Variants in CTNND2 observed in about 807,000 individuals in gnomAD.
CTNND2 encodes the protein catenin delta-2.
Under a neutral mutation model 144.4 loss-of-function variants are expected in CTNND2, and 22 were observed. The observed-to-expected ratio is 0.15, with a 90% CI of 0.11 to 0.22. CTNND2 has a LOEUF of 0.22. Among genes scored for constraint, CTNND2 ranks in the 10% least tolerant of loss-of-function variants. CTNND2 has a pLI of 1.00. For missense variants in CTNND2, 1,353 were observed against 1,618.8 expected (o/e 0.84, Z 2.82); for synonymous variants, 751 against 695.6 (o/e 1.08, Z -1.25).
In CTNND2 at chr5:11,604,050, T is replaced by G. The variant is rs572694893; in HGVS notation, c.175-38994A>C. Among the ~76,000 whole-genome samples, 4 of 152,348 alleles carry G rather than the reference T, an allele frequency of 2.6e-5. No homozygotes were observed. In the South Asian group the frequency reaches 6.2e-4, roughly 24 times the overall value. ...TATAATATTAAGGCATAACTGAAAC[T>G]TCAATATTATTGGCTACTTCAGTGT... On this transcript the variant is annotated intron_variant, in intron 2 of 21. Transcript: ENST00000304623.
Position 11,385,049 on chromosome 5 carries a change from C to T in CTNND2, c.793G>A (p.Gly265Arg). Residue 265 changes from glycine to arginine, a missense_variant, in exon 7 of 22, where the codon GGG becomes AGG. Around this residue, in one of 4 missense-constraint regions of CTNND2, gnomAD observed 708 missense variants for 706.4 expected, o/e 1.00. Transcript: ENST00000304623. ...TGGGGCGCGGCCAGCGGGGAGCCCC[C>T]GCGCGGCGGCGCGGGCAGCGTGGAG... ...SSSTLPAPPR[G>R]GSPLAAPQGG... The T allele has an allele frequency of 1.8e-6, 2 of 1,114,630 alleles. No individual in the cohort carries two copies. Among genetic ancestry groups the T allele is most frequent in the East Asian group, 5.6e-5 (1 of 17,814 alleles). 69.0% of individuals were successfully genotyped at this position (1,114,630 alleles called of 1,614,324 possible). A position where few individuals can be genotyped will look rare whatever the true frequency, so the allele number is the denominator to read the frequency against.
chr5:11,610,553 AACCC>A (rs1780266247), intron 2 of CTNND2, among the ~76,000 whole-genome samples: 1 of 152,198 alleles, frequency 6.6e-6, no homozygotes, highest in Non-Finnish European at 1.5e-5. Context: ...CAGCCCAGGG[AACCC>A]ACCGTCCAAT....
Position 11,310,892 on chromosome 5 carries a change from C to T in CTNND2, c.1628+35480G>A, listed in dbSNP as rs140693637. On this transcript the variant is annotated intron_variant, in intron 9 of 21. Coordinates refer to ENST00000304623, the MANE Select transcript of CTNND2 (RefSeq NM_001332.4). ...ACTCTCCATGCACCCTCACCTCACA[C>T]GCAATACACTCACACACACTCCCCA... Among the ~76,000 whole-genome samples the T allele has an allele frequency of 1.4e-3, 193 of 139,286 alleles. 1 individual carries two copies. Among genetic ancestry groups the T allele is most frequent in the African/African-American group, 4.0e-3 (149 of 37,634 alleles). The allele number at this position is 139,286 out of a possible 152,430, so 91.4% of individuals were successfully genotyped here.
chr5:11,725,803 A>T (rs1786985511), intron 2 of CTNND2, among the ~76,000 whole-genome samples: 1 of 152,326 alleles, frequency 6.6e-6, no homozygotes, highest in African/African-American at 2.4e-5. Context: ...TGTTCTTTTT[A>T]AAAAACGTTT....
intron 9 of CTNND2, among the ~76,000 whole-genome samples, chr5:11,292,761 A>C (rs915775606): frequency 3.9e-5 from 6 of 152,136 alleles, no homozygotes; most frequent in Non-Finnish European, 7.3e-5. Flanking sequence ...GAACAGACTA[A>C]TACACACATA....
intron 1 of CTNND2, among the ~76,000 whole-genome samples, chr5:11,869,400 G>A (rs893205555): frequency 6.6e-6 from 1 of 152,152 alleles, no homozygotes; most frequent in Non-Finnish European, 1.5e-5. Flanking sequence ...ACATAAGAAG[G>A]TGCCAACTTC....
intron 1 of CTNND2, among the ~76,000 whole-genome samples, chr5:11,838,248 T>C (rs1450969757): frequency 1.3e-5 from 2 of 152,210 alleles, no homozygotes; most frequent in Admixed American, 6.5e-5. Flanking sequence ...ACTTCAGAAT[T>C]CCTGAGATGA....
At chr5:11,807,042 T>C (rs1178935502) in intron 1 of CTNND2, among the ~76,000 whole-genome samples, 4 of 152,158 alleles carry the variant, frequency 2.6e-5, no homozygotes, top group Non-Finnish European at 2.9e-5. Flanking sequence ...ACATTCTGCG[T>C]CCATTTGCTA....
chr5:11,051,901 T>G (rs1422126842), intron 16 of CTNND2, among the ~76,000 whole-genome samples: 1 of 152,230 alleles, frequency 6.6e-6, no homozygotes, highest in Non-Finnish European at 1.5e-5. Context: ...TGTTTATTGC[T>G]TCTTCACTAC....
chr5:11,870,015 G>C (rs1214216815), intron 1 of CTNND2, among the ~76,000 whole-genome samples: 2 of 152,086 alleles, frequency 1.3e-5, no homozygotes, highest in Non-Finnish European at 2.9e-5. Context: ...AAACCACCCG[G>C]CAAATACTTA....
At chr5:11,649,298 A>T (rs1262634192) in intron 2 of CTNND2, among the ~76,000 whole-genome samples, 1 of 152,138 alleles carries the variant, frequency 6.6e-6, no homozygotes, top group African/African-American at 2.4e-5. Flanking sequence ...TTCATTAAAG[A>T]AACAAACTTA....
At chr5:11,176,361 A>G (rs1050879459) in intron 11 of CTNND2, among the ~76,000 whole-genome samples, 1 of 151,606 alleles carries the variant, frequency 6.6e-6, no homozygotes, top group Non-Finnish European at 1.5e-5. Context: ...CGATTTATAA[A>G]CACAAGGTGT....
At chr5:11,527,148 A>T (rs1279683083) in intron 3 of CTNND2, among the ~76,000 whole-genome samples, 1 of 152,180 alleles carries the variant, frequency 6.6e-6, no homozygotes, top group African/African-American at 2.4e-5. Context: ...GGATAGAGTG[A>T]TGGTTGCACA....
At chr5:11,467,857 T>A in intron 3 of CTNND2, among the ~76,000 whole-genome samples, 1 of 152,214 alleles carries the variant, frequency 6.6e-6, no homozygotes, top group Non-Finnish European at 1.5e-5. Flanking sequence ...CACTAACACA[T>A]ACATAGTACT....
intron 11 of CTNND2, among the ~76,000 whole-genome samples, chr5:11,163,829 T>C (rs1030856959): frequency 2.6e-5 from 4 of 152,248 alleles, no homozygotes; most frequent in African/African-American, 9.6e-5. Flanking sequence ...TGTATCATTC[T>C]TCACGTTTGC....
intron 2 of CTNND2, among the ~76,000 whole-genome samples, chr5:11,718,942 A>T (rs1786509009): frequency 6.6e-6 from 1 of 152,198 alleles, no homozygotes; most frequent in Non-Finnish European, 1.5e-5. Flanking sequence ...TAATTGTCTA[A>T]GAGAGATGGC....
chr5:11,712,294 T>C (rs1193169417), intron 2 of CTNND2, among the ~76,000 whole-genome samples: 3 of 146,182 alleles, frequency 2.1e-5, no homozygotes, highest in Non-Finnish European at 4.5e-5. Flanking sequence ...ATGCTTTCAT[T>C]GCATTTTTTT....
chr5:11,104,106 C>T (rs1370164601), intron 14 of CTNND2, among the ~76,000 whole-genome samples: 2 of 152,212 alleles, frequency 1.3e-5, no homozygotes, highest in African/African-American at 4.8e-5. Flanking sequence ...AAAAGGCTGG[C>T]TTCACCAGCG....
chr5:11,757,628 G>A (rs368985453), intron 1 of CTNND2, among the ~76,000 whole-genome samples: 20 of 151,834 alleles, frequency 1.3e-4, no homozygotes, highest in African/African-American at 2.4e-4. Flanking sequence ...GATATGAGTC[G>A]TCATTTAAAT....
Sources: gnomAD v4.1 joint callset for allele counts (sites outside exome capture counted in the v4.1 genomes callset) on GRCh38, gnomAD v4.1.1 for gene constraint, gnomAD v4.1.1 regional missense constraint, MANE v1.5 for transcripts, NCBI Gene and HGNC (gene_info 2026-07-23, HGNC 2026-07-21) for gene names.